SORCS1: variants seen among roughly 807,000 people sequenced by gnomAD.
SORCS1 encodes the protein VPS10 domain-containing receptor SorCS1.
SORCS1 carries 60 observed loss-of-function variants against 146.1 expected under a neutral mutation model. That is an observed-to-expected ratio of 0.41 (90% CI 0.33 to 0.51). The LOEUF is 0.51. Among genes scored for constraint, SORCS1 ranks in the 20% least tolerant of loss-of-function variants. The pLI is 0.21. For missense variants in SORCS1, 1,352 were observed against 1,487.6 expected, an observed-to-expected ratio of 0.91 and a Z score of 1.50; for synonymous variants, 637 against 584.0, an observed-to-expected ratio of 1.09 and a Z score of -1.31.
chr10:107,119,962 A>C (rs2134529776), intron 1 of SORCS1, among the ~76,000 whole-genome samples: 1 of 152,238 alleles, frequency 6.6e-6, no homozygotes, highest in South Asian at 2.1e-4. Flanking sequence ...ATCTGCCCTC[A>C]CTTAGAAAAG....
chr10:106,643,875 A>C (rs1437396428), intron 18 of SORCS1, among the ~76,000 whole-genome samples: 1 of 152,220 alleles, frequency 6.6e-6, no homozygotes, highest in Non-Finnish European at 1.5e-5. Context: ...CAGAAGTGAA[A>C]GTTCTTGTTT....
At chr10:106,965,860 C>G (rs1366846813) in intron 1 of SORCS1, among the ~76,000 whole-genome samples, 1 of 152,242 alleles carries the variant, frequency 6.6e-6, no homozygotes, top group Non-Finnish European at 1.5e-5. Flanking sequence ...CCTTCTCTCA[C>G]TCTGCCTTCT....
At chr10:107,167,853 AGCAGAG>A (rs1220332528), upstream of SORCS1, among the ~76,000 whole-genome samples, 1 of 152,136 alleles carries the variant, frequency 6.6e-6, no homozygotes, top group Non-Finnish European at 1.5e-5. Flanking sequence ...TAGAGAAAGA[AGCAGAG>A]GCAGAAAGAC....
intron 2 of SORCS1, among the ~76,000 whole-genome samples, chr10:106,916,483 T>A (rs1434696997): frequency 6.8e-6 from 1 of 148,140 alleles, no homozygotes; most frequent in African/African-American, 2.5e-5. Flanking sequence ...ATTATGTATA[T>A]TATATACATA....
intron 1 of SORCS1, among the ~76,000 whole-genome samples, chr10:107,094,854 C>T (rs1312888252): frequency 1.3e-5 from 2 of 152,106 alleles, no homozygotes; most frequent in African/African-American, 4.8e-5. Context: ...CACAGCCAGC[C>T]CCTTCACTCT....
intron 1 of SORCS1, among the ~76,000 whole-genome samples, chr10:107,041,068 T>C (rs925624190): frequency 5.3e-5 from 8 of 152,124 alleles, no homozygotes; most frequent in Non-Finnish European, 1.2e-4. Context: ...TGTTAAAGAA[T>C]AAGGTAGATT....
chr10:107,144,474 T>C (rs59547132), intron 1 of SORCS1, among the ~76,000 whole-genome samples: 2,412 of 152,362 alleles, frequency 0.016, 56 homozygotes, highest in African/African-American at 0.055. Flanking sequence ...TGACCACAGA[T>C]GATGTGCCTG....
At chr10:107,001,899 A>G (rs943467955) in intron 1 of SORCS1, among the ~76,000 whole-genome samples, 10 of 152,226 alleles carry the variant, frequency 6.6e-5, no homozygotes, top group Non-Finnish European at 1.5e-4. Flanking sequence ...ATTATTGGTT[A>G]TATGTGAGAT....
intron 2 of SORCS1, among the ~76,000 whole-genome samples, chr10:106,875,594 T>A (rs1564761702): frequency 6.6e-6 from 1 of 152,212 alleles, no homozygotes; most frequent in Non-Finnish European, 1.5e-5. Context: ...TGTATAAGCG[T>A]TCCCCTTTCA....
chr10:107,134,041 CTAT>C (rs1221574969), intron 1 of SORCS1, among the ~76,000 whole-genome samples: 7 of 152,154 alleles, frequency 4.6e-5, no homozygotes, highest in South Asian at 2.1e-4. Flanking sequence ...GCTACTGTTG[CTAT>C]TATTACTACT....
At chr10:106,699,634 T>C (rs757338679) in intron 8 of SORCS1, among the ~76,000 whole-genome samples, 5 of 152,172 alleles carry the variant, frequency 3.3e-5, no homozygotes, top group Non-Finnish European at 7.3e-5. Context: ...GATAGACCAG[T>C]TTTAATTGCC....
chr10:106,699,297 G>A lies in SORCS1; in HGVS notation c.1330C>T (p.Arg444Cys), dbSNP rs374144953. 8 of 1,613,940 alleles carry A rather than the reference G, an allele frequency of 5.0e-6. No homozygotes were observed. Among genetic ancestry groups the A allele is most frequent in the Non-Finnish European group, 6.8e-6 (8 of 1,179,848 alleles). Residue 444 changes from arginine to cysteine, a missense_variant, in exon 9 of 26, where the codon CGT (arginine) becomes TGT (cysteine). Physicochemically the swap from Arg to Cys is radical, Grantham distance 180 (BLOSUM62 -3). Around this residue, in one of 3 missense-constraint regions of SORCS1, gnomAD observed 648 missense variants for 793.8 expected, o/e 0.82. Coordinates refer to ENST00000263054, the MANE Select transcript of SORCS1 (RefSeq NM_052918.5). The part of the protein sequence containing the change: ...DTYNLYISDT[R>C]GVYFTLALEN... ...AAGGCCAGGGTGAAGTAGACACCAC[G>A]TGTGTCTGAGATGTAGAGGTTGTAC...
At chr10:106,913,373 A>G (rs1257789089) in intron 2 of SORCS1, among the ~76,000 whole-genome samples, 5 of 152,190 alleles carry the variant, frequency 3.3e-5, no homozygotes, top group Non-Finnish European at 7.4e-5. Context: ...CTGGAACTGC[A>G]ATACACCAAT....
intron 1 of SORCS1, among the ~76,000 whole-genome samples, chr10:107,037,722 C>T (rs1396329750): frequency 6.6e-6 from 1 of 152,234 alleles, no homozygotes; most frequent in Non-Finnish European, 1.5e-5. Flanking sequence ...CCAATTGCTT[C>T]AGCTAGAGAG....
intron 2 of SORCS1, among the ~76,000 whole-genome samples, chr10:106,839,307 A>G (rs1227200333): frequency 1.3e-5 from 2 of 152,228 alleles, no homozygotes; most frequent in African/African-American, 2.4e-5. Flanking sequence ...CAAGAATAAG[A>G]AAGTCAAACA....
chr10:106,896,013 A>C (rs57554462), intron 2 of SORCS1, among the ~76,000 whole-genome samples: 6,008 of 152,252 alleles, frequency 0.039, 396 homozygotes, highest in African/African-American at 0.14. Context: ...AAATTCTGAA[A>C]CATGTTAGAA....
At chr10:106,932,157 C>G (rs988265428) in intron 2 of SORCS1, among the ~76,000 whole-genome samples, 3 of 152,076 alleles carry the variant, frequency 2.0e-5, no homozygotes, top group East Asian at 3.9e-4. Flanking sequence ...AATTTTTATC[C>G]CCTTCCATAC....
chr10:106,986,250 A>G (rs559097289), intron 1 of SORCS1, among the ~76,000 whole-genome samples: 2 of 152,292 alleles, frequency 1.3e-5, no homozygotes, highest in South Asian at 4.1e-4. Context: ...TGTATAACCT[A>G]TATATACACA....
intron 2 of SORCS1, among the ~76,000 whole-genome samples, chr10:106,948,213 AAAC>A (rs1954464123): frequency 6.6e-6 from 1 of 152,204 alleles, no homozygotes; most frequent in South Asian, 2.1e-4. Flanking sequence ...AAGAGAAAAA[AAAC>A]AATAACTCAC....
Sources: allele counts gnomAD v4.1 joint callset (sites outside exome capture counted in the v4.1 genomes callset), GRCh38; gene constraint gnomAD v4.1.1; regional missense constraint gnomAD v4.1.1; transcripts MANE v1.5; gene names NCBI Gene and HGNC (gene_info 2026-07-23, HGNC 2026-07-21).